SPMAP2L: variants seen among roughly 807,000 people sequenced by gnomAD.
SPMAP2L encodes the protein sperm microtubule associated protein 2-like.
the SPMAP2L span, chr4:56,584,592 A>G: frequency 2.0e-6 from 3 of 1,535,086 alleles, no homozygotes; most frequent in Non-Finnish European, 1.7e-6. Context: ...ACAGACCCAA[A>G]CTATCATCCT....
the SPMAP2L span, among the ~76,000 whole-genome samples, chr4:56,574,157 T>C: frequency 1.3e-5 from 2 of 152,138 alleles, no homozygotes; most frequent in Non-Finnish European, 2.9e-5. Flanking sequence ...TGCTGGCTCA[T>C]GCCTGTAATC....
At chr4:56,563,090 C>CT in the SPMAP2L span, among the ~76,000 whole-genome samples, 2,879 of 98,260 alleles carry the variant, frequency 0.029, 375 homozygotes, top group Middle Eastern at 0.045. Context: ...GTTGTTAAGG[C>CT]TTTTTTTTTT....
the SPMAP2L span, among the ~76,000 whole-genome samples, chr4:56,568,492 T>C: frequency 3.3e-5 from 5 of 152,176 alleles, no homozygotes; most frequent in Non-Finnish European, 2.9e-5. Context: ...AAAATAGCTT[T>C]ATTGTGATTA....
chr4:56,586,542 A>G, the SPMAP2L span, among the ~76,000 whole-genome samples: 2 of 152,098 alleles, frequency 1.3e-5, no homozygotes, highest in Non-Finnish European at 2.9e-5. Context: ...GAGGGACACA[A>G]ACAGTCAGTC....
the SPMAP2L span, among the ~76,000 whole-genome samples, chr4:56,620,770 C>T: frequency 7.9e-3 from 1,205 of 152,312 alleles, 46 homozygotes; most frequent in Admixed American, 0.072. Flanking sequence ...AGTTTAAATA[C>T]TCTATTTAAA....
the SPMAP2L span, chr4:56,594,588 G>C: frequency 1.5e-5 from 24 of 1,585,572 alleles, no homozygotes; most frequent in Non-Finnish European, 2.1e-5. Flanking sequence ...AGAACGGTTT[G>C]CCTCATTCTG....
the SPMAP2L span, among the ~76,000 whole-genome samples, chr4:56,611,011 T>A: frequency 6.6e-6 from 1 of 152,162 alleles, no homozygotes; most frequent in African/African-American, 2.4e-5. Context: ...CAAACTAGCA[T>A]AACCCCTGTG....
the SPMAP2L span, among the ~76,000 whole-genome samples, chr4:56,573,818 C>T: frequency 6.6e-6 from 1 of 151,702 alleles, no homozygotes; most frequent in Non-Finnish European, 1.5e-5. Flanking sequence ...TGTAGACAGG[C>T]CTCAAGACTG....
the SPMAP2L span, among the ~76,000 whole-genome samples, chr4:56,625,388 G>T: frequency 6.6e-6 from 1 of 152,282 alleles, no homozygotes; most frequent in East Asian, 1.9e-4. Flanking sequence ...TTGGGGGACT[G>T]TTGGGAAGGC....
At chr4:56,543,089 T>A in the SPMAP2L span, among the ~76,000 whole-genome samples, 1 of 151,130 alleles carries the variant, frequency 6.6e-6, no homozygotes, top group Non-Finnish European at 1.5e-5. Flanking sequence ...GCGTTTTGTG[T>A]TTATGTTTTG....
the SPMAP2L span, chr4:56,593,765 C>G: frequency 6.3e-7 from 1 of 1,575,644 alleles, no homozygotes; most frequent in South Asian, 1.1e-5. Context: ...AACCAGGGAG[C>G]AACACACTGA....
At chr4:56,619,405 C>A in the SPMAP2L span, among the ~76,000 whole-genome samples, 3 of 152,172 alleles carry the variant, frequency 2.0e-5, no homozygotes, top group Non-Finnish European at 2.9e-5. Context: ...TCTCCTCCCC[C>A]CAGTGGCTGG....
the SPMAP2L span, chr4:56,594,174 G>A: frequency 6.2e-7 from 1 of 1,613,030 alleles, no homozygotes; most frequent in Non-Finnish European, 8.5e-7. Flanking sequence ...GAGGAGTGCA[G>A]AGGTATTCCA....
chr4:56,621,745 T>C, the SPMAP2L span, among the ~76,000 whole-genome samples: 1 of 152,270 alleles, frequency 6.6e-6, no homozygotes, highest in Non-Finnish European at 1.5e-5. Context: ...TGTAAATGTG[T>C]ATTCACTGGA....
the SPMAP2L span, among the ~76,000 whole-genome samples, chr4:56,592,515 C>A: frequency 1.3e-5 from 2 of 152,252 alleles, no homozygotes; most frequent in Non-Finnish European, 1.5e-5. Flanking sequence ...TGCCCGCGAG[C>A]GTCCATCCAT....
the SPMAP2L span, among the ~76,000 whole-genome samples, chr4:56,535,352 G>A: frequency 2.2e-4 from 33 of 152,122 alleles, no homozygotes; most frequent in Non-Finnish European, 3.5e-4. Context: ...CCCTGGGCCT[G>A]GTCGTTAAAG....
chr4:56,589,231 T>C, the SPMAP2L span, among the ~76,000 whole-genome samples: 41,457 of 151,806 alleles, frequency 0.27, 7,566 homozygotes, highest in African/African-American at 0.51. Context: ...TCAAGTGATC[T>C]GCCCGCCTTG....
chr4:56,549,104 T>C, the SPMAP2L span, among the ~76,000 whole-genome samples: 3 of 151,560 alleles, frequency 2.0e-5, no homozygotes, highest in African/African-American at 7.3e-5. Context: ...TTCTCCTTCC[T>C]CAGCCTCCTG....
chr4:56,550,086 A>T, the SPMAP2L span, among the ~76,000 whole-genome samples: 1 of 152,112 alleles, frequency 6.6e-6, no homozygotes, highest in Non-Finnish European at 1.5e-5. Flanking sequence ...ATTTATTATT[A>T]TTGTTTAGCT....
Sources: gnomAD v4.1 joint callset for allele counts (sites outside exome capture counted in the v4.1 genomes callset) on GRCh38, gnomAD v4.1.1 for gene constraint, MANE v1.5 for transcripts, NCBI Gene and HGNC (gene_info 2026-07-23, HGNC 2026-07-21) for gene names.